DLGAP1: variants seen among roughly 807,000 people sequenced by gnomAD.
DLGAP1 encodes the protein DLG associated protein 1.
In DLGAP1, 11 loss-of-function variants were observed where a neutral mutation model predicts 90.8. The ratio of observed to expected loss-of-function variants is 0.12; its 90% CI spans 0.08 to 0.20. The LOEUF is 0.20. DLGAP1 is among the 10% of genes least tolerant of loss of function. The probability of loss-of-function intolerance (pLI) is 1.00; values close to 1 mark genes in which losing one functional copy is unlikely to be tolerated. For missense variants in DLGAP1, 1,050 were observed against 1,333.8 expected (o/e 0.79, Z 3.31); for synonymous variants, 558 against 540.7 (o/e 1.03, Z -0.44).
chr18:3,983,401 T>A (rs1316533350), intron 3 of DLGAP1: 1 of 152,208 alleles, frequency 6.6e-6, no homozygotes, highest in Admixed American at 6.5e-5. Context: ...GTACTCACTA[T>A]GTGTCAGTAT....
At chr18:3,941,813 T>G (rs1332606791) in intron 3 of DLGAP1, among the ~76,000 whole-genome samples, 1 of 152,090 alleles carries the variant, frequency 6.6e-6, no homozygotes, top group African/African-American at 2.4e-5. Flanking sequence ...CCCAGGCGCA[T>G]GTGGTCCTCC....
chr18:4,156,288 A>G (rs2076754720), intron 1 of DLGAP1, among the ~76,000 whole-genome samples: 1 of 152,212 alleles, frequency 6.6e-6, no homozygotes, highest in East Asian at 1.9e-4. Context: ...TTGTGTTAGA[A>G]GCTTTCTGGT....
intron 1 of DLGAP1, among the ~76,000 whole-genome samples, chr18:4,213,829 A>G (rs968083456): frequency 6.6e-6 from 1 of 152,146 alleles, no homozygotes; most frequent in East Asian, 1.9e-4. Context: ...AATGGAGAAT[A>G]CTCAGATGAG....
chr18:4,242,035 C>T (rs1360405334), intron 1 of DLGAP1, among the ~76,000 whole-genome samples: 2 of 152,044 alleles, frequency 1.3e-5, no homozygotes, highest in Admixed American at 6.6e-5. Flanking sequence ...AAAAATGATA[C>T]ATTATTTTGC....
At chr18:4,334,192 C>T (rs995912093) in intron 1 of DLGAP1, among the ~76,000 whole-genome samples, 15 of 151,550 alleles carry the variant, frequency 9.9e-5, no homozygotes, top group Non-Finnish European at 1.8e-4. Context: ...GAGCCGAGAT[C>T]GCGTCATTGC....
intron 3 of DLGAP1, among the ~76,000 whole-genome samples, chr18:3,881,061 C>A (rs2071153460): frequency 1.3e-5 from 2 of 151,390 alleles, no homozygotes; most frequent in African/African-American, 4.8e-5. Context: ...CCTCTATGAC[C>A]CCAATAACTG....
At chr18:3,876,504 A>T (rs750627047) in intron 4 of DLGAP1, among the ~76,000 whole-genome samples, 4 of 152,224 alleles carry the variant, frequency 2.6e-5, no homozygotes, top group Non-Finnish European at 5.9e-5. Context: ...TAGCTTGGTT[A>T]ATTATTTCCC....
At position 4,383,481 on chromosome 18, in the gene DLGAP1, A is replaced by G. The variant is rs1270294299; in HGVS notation, c.-267+71525T>C. Among the ~76,000 whole-genome samples the G allele has an allele frequency of 6.6e-6, 1 of 152,070 alleles. No individual in the cohort carries two copies. Among genetic ancestry groups the G allele is most frequent in the Admixed American group, 6.6e-5 (1 of 15,246 alleles). On this transcript the variant is annotated intron_variant, in intron 1 of 12. Transcript: ENST00000315677. This position sits in a 1 kb window ranked among gnomAD's most constrained non-coding sequence, Gnocchi z 4.0. ...CTCTAGTTTACTGGCAGGAGCTTGT[A>G]CTAGAAACAGCATTAGACAGGGAGA...
intron 1 of DLGAP1, among the ~76,000 whole-genome samples, chr18:4,334,326 T>C (rs2081022795): frequency 6.7e-6 from 1 of 149,260 alleles, no homozygotes; most frequent in Admixed American, 6.6e-5. Context: ...AAGTACTTTG[T>C]TTTTTTTGTG....
rs868275638 is a variant in DLGAP1 at position 3,673,929 on chromosome 18, G to T, written c.1591+55206C>A. On this transcript the variant is annotated intron_variant, in intron 7 of 12. Transcript: ENST00000315677. Reference sequence around the variant, plus strand: ...GCGATCTCAGCTCACTGCGACCTCCGCCTCCTGGGTTCAAGCGATTCTCCT... The same window carrying T: ...GCGATCTCAGCTCACTGCGACCTCCTCCTCCTGGGTTCAAGCGATTCTCCT... Among the ~76,000 whole-genome samples the T allele has an allele frequency of 6.6e-5, 10 of 150,652 alleles. No homozygotes were observed. The South Asian group carries it at 1.9e-3, about 29-fold the overall frequency.
At chr18:4,094,192 A>G (rs1019544728) in intron 2 of DLGAP1, among the ~76,000 whole-genome samples, 5 of 152,172 alleles carry the variant, frequency 3.3e-5, no homozygotes, top group African/African-American at 1.2e-4. Context: ...CATTAATTCA[A>G]AGAGATTTTT....
At chr18:4,392,488 G>GA (rs1036426269) in intron 1 of DLGAP1, among the ~76,000 whole-genome samples, 1 of 151,464 alleles carries the variant, frequency 6.6e-6, no homozygotes, top group Non-Finnish European at 1.5e-5. Flanking sequence ...GATGCTCCAA[G>GA]AAAAAAAAGG....
intron 1 of DLGAP1, among the ~76,000 whole-genome samples, chr18:4,183,545 A>G (rs1175150778): frequency 6.6e-6 from 1 of 152,136 alleles, no homozygotes; most frequent in East Asian, 1.9e-4. Context: ...TAACTTTCTT[A>G]AACTTTTGAC....
chr18:4,020,665 G>C (rs2074594116), intron 2 of DLGAP1, among the ~76,000 whole-genome samples: 1 of 152,130 alleles, frequency 6.6e-6, no homozygotes, highest in Non-Finnish European at 1.5e-5. Context: ...CCTGGGTGTA[G>C]GCCAAACTAA....
At chr18:4,223,587 T>C (rs1375350602) in intron 1 of DLGAP1, among the ~76,000 whole-genome samples, 1 of 152,188 alleles carries the variant, frequency 6.6e-6, no homozygotes, top group African/African-American at 2.4e-5. Flanking sequence ...CAGAATTTCA[T>C]CATTTATTTT....
chr18:4,208,733 AG>A (rs2077773982), intron 1 of DLGAP1, among the ~76,000 whole-genome samples: 1 of 152,102 alleles, frequency 6.6e-6, no homozygotes, highest in Non-Finnish European at 1.5e-5. Context: ...AGAAAAAGAG[AG>A]AGAGAAAGAG....
intron 7 of DLGAP1, among the ~76,000 whole-genome samples, chr18:3,600,731 T>TATAGAG: frequency 2.6e-5 from 1 of 37,788 alleles, no homozygotes; most frequent in African/African-American, 1.4e-4. Context: ...GAGATATAGA[T>TATAGAG]ATATATAGAT....
At chr18:4,357,727 G>C (rs1303938443) in intron 1 of DLGAP1, among the ~76,000 whole-genome samples, 1 of 152,204 alleles carries the variant, frequency 6.6e-6, no homozygotes, top group African/African-American at 2.4e-5. Context: ...TCTCACTGCT[G>C]CAAGGTCAGC....
intron 7 of DLGAP1, among the ~76,000 whole-genome samples, chr18:3,605,203 C>CA (rs1568289616): frequency 6.6e-6 from 1 of 152,214 alleles, no homozygotes; most frequent in Non-Finnish European, 1.5e-5. Flanking sequence ...CCTGGGTTTG[C>CA]ATGTGCAATC....
Sources: gnomAD v4.1 joint callset for allele counts (sites outside exome capture counted in the v4.1 genomes callset) on GRCh38, gnomAD v4.1.1 for gene constraint, Gnocchi (gnomAD v3.1) non-coding constraint, MANE v1.5 for transcripts, NCBI Gene and HGNC (gene_info 2026-07-23, HGNC 2026-07-21) for gene names.